Variants in GNAS-AS1 observed in about 807,000 individuals in gnomAD.
GNAS-AS1 encodes GNAS antisense RNA 1, also known as GNAS antisense RNA 1 (non-protein coding).
intron 4 of GNAS-AS1, among the ~76,000 whole-genome samples, chr20:58,826,350 C>T (rs2085520231): frequency 6.6e-6 from 1 of 152,146 alleles, no homozygotes. Context: ...TCCCAGCATC[C>T]CCCTGGTTAG....
intron 2 of GNAS-AS1, among the ~76,000 whole-genome samples, chr20:58,846,504 G>A (rs1227567976): frequency 6.6e-6 from 1 of 152,166 alleles, no homozygotes; most frequent in Non-Finnish European, 1.5e-5. Context: ...TACTTCAATT[G>A]CTACACTCAA....
intron 4 of GNAS-AS1, among the ~76,000 whole-genome samples, chr20:58,820,070 C>T (rs1001104002): frequency 1.3e-5 from 2 of 152,258 alleles, no homozygotes; most frequent in African/African-American, 4.8e-5. Flanking sequence ...CCCAGGTTCT[C>T]AATCTCCAGA....
chr20:58,830,619 ACCATCACCACCACCG>A (rs2085561858), intron 4 of GNAS-AS1, among the ~76,000 whole-genome samples: 1 of 125,532 alleles, frequency 8.0e-6, no homozygotes, highest in African/African-American at 3.2e-5. Context: ...CCACCACACC[ACCATCACCACCACCG>A]CCACACCACC....
chr20:58,850,879 G>C, exon 1 of GNAS-AS1: 1 of 398,710 alleles, frequency 2.5e-6, no homozygotes, highest in Non-Finnish European at 4.4e-6. Flanking sequence ...GCACCTCTTC[G>C]GGCGTTCCAA....
At chr20:58,845,887 C>T (rs189268123) in intron 2 of GNAS-AS1, among the ~76,000 whole-genome samples, 473 of 152,296 alleles carry the variant, frequency 3.1e-3, no homozygotes, top group Admixed American at 6.0e-3. Context: ...CAACTATTCC[C>T]GGGTAGAAAT....
chr20:58,828,520 CT>C (rs2085534695), intron 4 of GNAS-AS1, among the ~76,000 whole-genome samples: 1 of 152,216 alleles, frequency 6.6e-6, no homozygotes, highest in South Asian at 2.1e-4. Flanking sequence ...CTGGTCCCAC[CT>C]CTCTAAGCCT....
rs938107084 is a variant in GNAS-AS1, at chr20:58,841,644, G to C, written n.819+293C>G. 1.6e-5 allele frequency: 18 copies of C among 1,105,150 alleles called. No homozygotes were observed. The highest frequency in any genetic ancestry group is 1.8e-5 in the Non-Finnish European group (16 of 907,382). The allele number at this position is 1,105,150 out of a possible 1,614,324, so 68.5% of individuals were successfully genotyped here. ...CGCGCCGGAGCTGACCTCTCCCGGC[G>C]GCGGGCGGTTAGGGGAAAGTACCTG... On this transcript the variant is annotated intron_variant and non_coding_transcript_variant, in intron 4 of 4. Transcript: ENST00000424094. This position sits in a 1 kb window ranked among gnomAD's most constrained non-coding sequence, Gnocchi z 5.0.
At chr20:58,839,254 A>G in intron 4 of GNAS-AS1, 3 of 398,644 alleles carry the variant, frequency 7.5e-6, no homozygotes. Flanking sequence ...TACAGTCACT[A>G]TAACAGATCT....
At position 58,830,280 on chromosome 20, in the gene GNAS-AS1, ACACCACCATCAC is replaced by A. The variant is rs1168470813; in HGVS notation, n.820-11037_820-11026del. ...ACGCCACACCATCACCACCACCGCC[ACACCACCATCAC>A]CACCACCATCACCACCACCACCACA... On this transcript the variant is annotated intron_variant and non_coding_transcript_variant, in intron 4 of 4. Transcript: ENST00000424094. Among the ~76,000 whole-genome samples, 74 of 135,188 alleles carry A rather than the reference ACACCACCATCAC, an allele frequency of 5.5e-4. 2 individuals carry two copies. Among genetic ancestry groups the A allele is most frequent in the African/African-American group, 1.8e-3 (62 of 34,346 alleles). The allele number at this position is 135,188 out of a possible 152,430, so 88.7% of individuals were successfully genotyped here. A position where few individuals can be genotyped will look rare whatever the true frequency, so the allele number is the denominator to read the frequency against.
chr20:58,838,156 C>T (rs1415619987), intron 4 of GNAS-AS1, among the ~76,000 whole-genome samples: 4 of 152,206 alleles, frequency 2.6e-5, no homozygotes, highest in Admixed American at 6.5e-5. Context: ...TGAGTTGTTT[C>T]GCCTTTGGAC....
intron 2 of GNAS-AS1, chr20:58,848,756 C>T (rs1461471227): frequency 2.5e-6 from 1 of 395,634 alleles, no homozygotes; most frequent in Non-Finnish European, 4.5e-6. Context: ...TCTTACTATA[C>T]CGGATTCCTC....
chr20:58,824,094 C>A (rs991522064), intron 4 of GNAS-AS1: 1 of 398,494 alleles, frequency 2.5e-6, no homozygotes, highest in African/African-American at 2.1e-5. Flanking sequence ...CCATGAAGAA[C>A]GAACTGTTAG....
intron 4 of GNAS-AS1, among the ~76,000 whole-genome samples, chr20:58,820,894 A>T (rs897654773): frequency 6.6e-6 from 1 of 152,244 alleles, no homozygotes; most frequent in African/African-American, 2.4e-5. Flanking sequence ...TGTGAGAGTT[A>T]CAATTCAAGA....
chr20:58,846,752 G>C (rs1244004206), intron 2 of GNAS-AS1, among the ~76,000 whole-genome samples: 2 of 152,162 alleles, frequency 1.3e-5, no homozygotes, highest in Admixed American at 1.3e-4. Flanking sequence ...GATTTCATTA[G>C]GAAAATTTGC....
intron 4 of GNAS-AS1, among the ~76,000 whole-genome samples, chr20:58,824,479 C>CT (rs1194806411): frequency 6.6e-6 from 1 of 152,232 alleles, no homozygotes; most frequent in Non-Finnish European, 1.5e-5. Context: ...AAACAACCTC[C>CT]TTTTGCCATA....
At position 58,840,440 on chromosome 20, in the gene GNAS-AS1, G is replaced by C. The variant is rs201307445; in HGVS notation, n.819+1497C>G. 1.2e-6 allele frequency: 2 copies of C among 1,613,440 alleles called. No individual in the cohort carries two copies. The highest frequency in any genetic ancestry group is 8.5e-7 in the Non-Finnish European group (1 of 1,179,824). On this transcript the variant is annotated intron_variant and non_coding_transcript_variant, in intron 4 of 4. Coordinates refer to ENST00000424094, the Ensembl canonical transcript of GNAS-AS1. The surrounding 1 kb of genome is among the most constrained non-coding windows in gnomAD (Gnocchi z 6.0). ...CGAGGAAGAGTTCGACTACGAGACCGAGAGCGAGACCGAGTCCGAAATCGA... is the reference window on the plus strand; with the variant it reads ...CGAGGAAGAGTTCGACTACGAGACCCAGAGCGAGACCGAGTCCGAAATCGA...
chr20:58,842,211 C>T (rs1209361702), exon 4 of GNAS-AS1: 1 of 398,464 alleles, frequency 2.5e-6, no homozygotes, highest in Non-Finnish European at 4.4e-6. Context: ...GCTCTCCTCG[C>T]CAGTCCTGGG....
chr20:58,823,690 A>G (rs931182681), intron 4 of GNAS-AS1, among the ~76,000 whole-genome samples: 1 of 152,256 alleles, frequency 6.6e-6, no homozygotes, highest in Non-Finnish European at 1.5e-5. Flanking sequence ...TTCTGTCAGA[A>G]GGGGCAGAGC....
chr20:58,827,619 C>A (rs914198250), intron 4 of GNAS-AS1, among the ~76,000 whole-genome samples: 22 of 152,170 alleles, frequency 1.4e-4, no homozygotes, highest in African/African-American at 5.3e-4. Flanking sequence ...TTTATTCAGC[C>A]CAGACGATGA....
Sources: allele counts gnomAD v4.1 joint callset (sites outside exome capture counted in the v4.1 genomes callset), GRCh38; gene constraint gnomAD v4.1.1; non-coding constraint Gnocchi (gnomAD v3.1); transcripts MANE v1.5; gene names NCBI Gene and HGNC (gene_info 2026-07-23, HGNC 2026-07-21).